Variants in MAF observed in about 807,000 individuals in gnomAD.
The protein encoded by MAF is MAF bZIP transcription factor.
MAF carries 10 observed loss-of-function variants against 22.0 expected under a neutral mutation model. The observed-to-expected ratio is 0.45, with a 90% CI of 0.28 to 0.77. The LOEUF is 0.77. MAF is among the 30% of genes least tolerant of loss of function. The probability of loss-of-function intolerance (pLI) is 0.12; values close to 1 mark genes in which losing one functional copy is unlikely to be tolerated. For missense variants in MAF, 544 were observed against 548.4 expected (o/e 0.99, Z 0.08); for synonymous variants, 337 against 255.8 (o/e 1.32, Z -3.03).
At chr16:79,426,002 C>A in the MAF span, among the ~76,000 whole-genome samples, 1 of 152,114 alleles carries the variant, frequency 6.6e-6, no homozygotes. Flanking sequence ...ATCAGGAGAT[C>A]GAGACCATCC....
At chr16:79,389,357 G>A in the MAF span, among the ~76,000 whole-genome samples, 1 of 152,124 alleles carries the variant, frequency 6.6e-6, no homozygotes, top group Non-Finnish European at 1.5e-5. Flanking sequence ...TGCCTCCTGG[G>A]TTCAAGTGAT....
chr16:79,467,122 A>G, the MAF span, among the ~76,000 whole-genome samples: 1 of 152,154 alleles, frequency 6.6e-6, no homozygotes, highest in African/African-American at 2.4e-5. Flanking sequence ...TGGGCCCAGG[A>G]TGCTGATCAA....
chr16:79,400,086 A>G, the MAF span, among the ~76,000 whole-genome samples: 2 of 152,178 alleles, frequency 1.3e-5, no homozygotes, highest in Admixed American at 6.5e-5. Flanking sequence ...CAATATCTAG[A>G]GACATTTTTG....
chr16:79,383,634 G>C, the MAF span, among the ~76,000 whole-genome samples: 1 of 152,174 alleles, frequency 6.6e-6, no homozygotes, highest in East Asian at 1.9e-4. Context: ...CCTTATTCAA[G>C]GAGGTTTTGT....
chr16:79,467,102 G>A, the MAF span, among the ~76,000 whole-genome samples: 4 of 152,214 alleles, frequency 2.6e-5, no homozygotes, highest in African/African-American at 9.6e-5. Context: ...ACATTATTTT[G>A]TCTTTCCATT....
chr16:79,208,157 A>AGATT, the MAF span, among the ~76,000 whole-genome samples: 3 of 152,218 alleles, frequency 2.0e-5, no homozygotes, highest in Admixed American at 6.5e-5. Flanking sequence ...TATACTCTCA[A>AGATT]GATTGATTGC....
At chr16:79,387,628 C>G in the MAF span, among the ~76,000 whole-genome samples, 1 of 152,118 alleles carries the variant, frequency 6.6e-6, no homozygotes, top group Non-Finnish European at 1.5e-5. Flanking sequence ...ATAATGGGTA[C>G]TTATTGATGA....
chr16:79,324,368 T>C, the MAF span, among the ~76,000 whole-genome samples: 1 of 152,144 alleles, frequency 6.6e-6, no homozygotes, highest in Admixed American at 6.5e-5. Context: ...GAAAACACAA[T>C]ATTTACAGGA....
the MAF span, among the ~76,000 whole-genome samples, chr16:79,231,568 C>T: frequency 6.6e-6 from 1 of 152,024 alleles, no homozygotes; most frequent in Non-Finnish European, 1.5e-5. Flanking sequence ...CAGGTATCTA[C>T]CTGCCTATCT....
At chr16:79,455,657 A>T in the MAF span, among the ~76,000 whole-genome samples, 5 of 152,230 alleles carry the variant, frequency 3.3e-5, no homozygotes, top group Non-Finnish European at 7.3e-5. Flanking sequence ...ATATATTTAC[A>T]TTAAAAAATT....
the MAF span, among the ~76,000 whole-genome samples, chr16:79,248,488 G>A: frequency 1.3e-5 from 2 of 152,122 alleles, no homozygotes; most frequent in African/African-American, 2.4e-5. Context: ...TCAGAGACTT[G>A]TTTTTCCACA....
At chr16:79,397,790 G>C in the MAF span, among the ~76,000 whole-genome samples, 1 of 152,110 alleles carries the variant, frequency 6.6e-6, no homozygotes, top group African/African-American at 2.4e-5. Flanking sequence ...GGTGAAGAAA[G>C]GCATCCTTAG....
At position 79,598,921 on chromosome 16, in the gene MAF, C is replaced by G; in HGVS notation, c.982G>C (p.Asp328His). 1 of 1,613,610 alleles carries G rather than the reference C, an allele frequency of 6.2e-7. No individual in the cohort carries two copies. The highest frequency in any genetic ancestry group is 8.5e-7 in the Non-Finnish European group (1 of 1,179,948). ...CTGGAGATCTCCTGCTTGAGGTGGTCGACTTGCTGCAGCAGCTGGTTCTTC... is the reference window on the plus strand; with the variant it reads ...CTGGAGATCTCCTGCTTGAGGTGGTGGACTTGCTGCAGCAGCTGGTTCTTC... ...SEKNQLLQQV[D>H]HLKQEISRLV... Residue 328 changes from aspartate to histidine, a missense_variant, in exon 1 of 2, where the codon GAC (aspartate) becomes CAC (histidine). Coordinates refer to ENST00000326043, the MANE Select transcript of MAF (RefSeq NM_005360.5).
chr16:79,392,373 G>GAAGGA, the MAF span, among the ~76,000 whole-genome samples: 4 of 149,956 alleles, frequency 2.7e-5, no homozygotes, highest in African/African-American at 9.9e-5. Context: ...GAGACAGGGA[G>GAAGGA]AAGGAAAGGA....
downstream of MAF, among the ~76,000 whole-genome samples, chr16:79,592,106 C>A (rs934331494): frequency 6.6e-6 from 1 of 152,224 alleles, no homozygotes; most frequent in Admixed American, 6.5e-5. Context: ...GTTCCCCTTT[C>A]TCTTGTTTCC....
chr16:79,258,204 G>A, the MAF span, among the ~76,000 whole-genome samples: 2 of 152,166 alleles, frequency 1.3e-5, no homozygotes, highest in Admixed American at 6.5e-5. Context: ...ATTTGCTGTT[G>A]TTAATATCAG....
the MAF span, among the ~76,000 whole-genome samples, chr16:79,346,824 C>A: frequency 5.3e-5 from 8 of 152,132 alleles, no homozygotes; most frequent in Non-Finnish European, 7.3e-5. Flanking sequence ...ACCCAAATAC[C>A]GTCCTTTTGC....
At chr16:79,454,684 A>C in the MAF span, among the ~76,000 whole-genome samples, 3 of 152,210 alleles carry the variant, frequency 2.0e-5, no homozygotes, top group Non-Finnish European at 2.9e-5. Context: ...TCTTTCAAAC[A>C]TCTGCCTCTC....
chr16:79,333,287 C>A, the MAF span, among the ~76,000 whole-genome samples: 1 of 152,140 alleles, frequency 6.6e-6, no homozygotes, highest in Non-Finnish European at 1.5e-5. Flanking sequence ...GGATCTGACC[C>A]CACCTGAGCT....
Sources: gnomAD v4.1 joint callset for allele counts (sites outside exome capture counted in the v4.1 genomes callset) on GRCh38, gnomAD v4.1.1 for gene constraint, MANE v1.5 for transcripts, NCBI Gene and HGNC (gene_info 2026-07-23, HGNC 2026-07-21) for gene names.